The following FRMD3 variants were observed in gnomAD, a reference collection of about 807,000 sequenced individuals.
FRMD3 encodes FERM domain-containing protein 3.
In FRMD3, 33 loss-of-function variants were observed where a neutral mutation model predicts 70.2. The ratio of observed to expected loss-of-function variants is 0.47; its 90% CI spans 0.36 to 0.63. The LOEUF is 0.63. Among genes scored for constraint, FRMD3 ranks in the 20% least tolerant of loss-of-function variants. The probability of loss-of-function intolerance (pLI) is 0.00; values close to 1 mark genes in which losing one functional copy is unlikely to be tolerated. For missense variants in FRMD3, 632 were observed against 711.4 expected, an observed-to-expected ratio of 0.89 and a Z score of 1.27; for synonymous variants, 279 against 255.9, an observed-to-expected ratio of 1.09 and a Z score of -0.86.
chr9:83,244,991 A>T lies in FRMD3; in HGVS notation c.*2927T>A. The T allele has an allele frequency of 1.0e-6, 1 of 982,736 alleles. No individual in the cohort carries two copies. The highest frequency in any genetic ancestry group is 1.2e-6 in the Non-Finnish European group (1 of 827,528). 60.9% of individuals were successfully genotyped at this position (982,736 alleles called of 1,614,324 possible). A position where few individuals can be genotyped will look rare whatever the true frequency, so the allele number is the denominator to read the frequency against. On this transcript the variant is annotated 3_prime_UTR_variant, in exon 14 of 14. Coordinates refer to ENST00000304195, the MANE Select transcript of FRMD3 (RefSeq NM_174938.6). ...CCATATGTGTGTGTGTATTATATAT[A>T]TTTATTTATATCCACAAATGTACAC... is the stretch of plus-strand genomic sequence containing the variant.
chr9:83,309,657 C>T (rs372381028), intron 9 of FRMD3, 33 bp from the exon 10 acceptor site: 45 of 1,344,364 alleles, frequency 3.3e-5, no homozygotes, highest in South Asian at 5.4e-5. Context: ...AGAAAAGGCA[C>T]GTAAAATACC....
chr9:83,340,454 T>C (rs1823718163), intron 5 of FRMD3, among the ~76,000 whole-genome samples: 1 of 152,202 alleles, frequency 6.6e-6, no homozygotes, highest in Non-Finnish European at 1.5e-5. Context: ...GGAGCTGCTT[T>C]AGCTCGAGTG....
At position 83,316,117 on chromosome 9, in the gene FRMD3, T is replaced by C. The variant is rs144666491; in HGVS notation, c.597-2370A>G. ...AAGGACTCGGTGAAGGAAAGGAAGA[T>C]TGACATATATGCCACCTTATTCTTT... On this transcript the variant is annotated intron_variant, in intron 6 of 13. Coordinates refer to ENST00000304195, the MANE Select transcript of FRMD3 (RefSeq NM_174938.6). Among the ~76,000 whole-genome samples the C allele has an allele frequency of 1.5e-3, 232 of 152,212 alleles. 1 individual carries two copies. The highest frequency in any genetic ancestry group is 2.7e-3 in the East Asian group (14 of 5,188).
the FRMD3 span, among the ~76,000 whole-genome samples, chr9:83,558,910 T>C: frequency 6.6e-6 from 1 of 152,188 alleles, no homozygotes; most frequent in Non-Finnish European, 1.5e-5. Flanking sequence ...AGCCTGGACA[T>C]TGACTGAATT....
intron 1 of FRMD3, among the ~76,000 whole-genome samples, chr9:83,426,440 G>A (rs970379191): frequency 6.6e-6 from 1 of 152,244 alleles, no homozygotes; most frequent in Non-Finnish European, 1.5e-5. Flanking sequence ...AATGTGAGAG[G>A]CATGGCAGAG....
chr9:83,536,422 C>A (rs1829893621), intron 1 of FRMD3, among the ~76,000 whole-genome samples: 3 of 146,032 alleles, frequency 2.1e-5, no homozygotes, highest in Non-Finnish European at 4.6e-5. Flanking sequence ...AACTCAACAG[C>A]CTCTCTCCCT....
chr9:83,289,642 G>A (rs547273284), intron 13 of FRMD3, among the ~76,000 whole-genome samples: 1 of 152,336 alleles, frequency 6.6e-6, no homozygotes, highest in Non-Finnish European at 1.5e-5. Context: ...AGGTGAAGGT[G>A]ATCTTTTGGG....
intron 4 of FRMD3, 139 bp from the exon 5 acceptor site, chr9:83,343,426 T>C (rs1823842642): frequency 1.6e-6 from 1 of 625,068 alleles, no homozygotes; most frequent in Non-Finnish European, 2.9e-6. Context: ...CAGCCCTTTG[T>C]AGAACAAGCA....
At chr9:83,375,076 C>T (rs1014149602) in intron 2 of FRMD3, among the ~76,000 whole-genome samples, 7 of 152,172 alleles carry the variant, frequency 4.6e-5, no homozygotes, top group Non-Finnish European at 1.0e-4. Context: ...GTCTCTGACT[C>T]CAGGGGTGAC....
At chr9:83,542,057 CAACA>C (rs1350664019), upstream of FRMD3, among the ~76,000 whole-genome samples, 2 of 152,196 alleles carry the variant, frequency 1.3e-5, no homozygotes, top group South Asian at 2.1e-4. Context: ...GGATGACAGG[CAACA>C]AACAGAGGAC....
At chr9:83,373,180 C>G (rs912485956) in intron 2 of FRMD3, among the ~76,000 whole-genome samples, 7 of 152,126 alleles carry the variant, frequency 4.6e-5, no homozygotes, top group Admixed American at 1.3e-4. Flanking sequence ...GTGAGTCAGA[C>G]AGTTGCTAGG....
chr9:83,385,997 A>G (rs1825501145), intron 2 of FRMD3, among the ~76,000 whole-genome samples: 1 of 152,198 alleles, frequency 6.6e-6, no homozygotes, highest in South Asian at 2.1e-4. Context: ...TGTAAGAATA[A>G]TAATAACAAC....
At chr9:83,498,972 T>A (rs1564105520) in intron 1 of FRMD3, among the ~76,000 whole-genome samples, 1 of 152,158 alleles carries the variant, frequency 6.6e-6, no homozygotes, top group African/African-American at 2.4e-5. Context: ...GAGGCATGTT[T>A]GCAAAATGAG....
intron 4 of FRMD3, among the ~76,000 whole-genome samples, chr9:83,347,952 C>T (rs960911524): frequency 1.3e-5 from 2 of 152,194 alleles, no homozygotes; most frequent in East Asian, 1.9e-4. Flanking sequence ...CATACCTGAG[C>T]TATTTAGTCA....
intron 10 of FRMD3, among the ~76,000 whole-genome samples, chr9:83,307,591 T>C (rs1835180549): frequency 6.6e-6 from 1 of 152,176 alleles, no homozygotes; most frequent in Admixed American, 6.5e-5. Context: ...ATATACAACT[T>C]ATAATAGGTA....
chr9:83,462,256 C>T (rs1356587419), intron 1 of FRMD3, among the ~76,000 whole-genome samples: 1 of 152,170 alleles, frequency 6.6e-6, no homozygotes, highest in Admixed American at 6.5e-5. Context: ...TACCACCGGG[C>T]TGGAAGGAAA....
At chr9:83,479,163 AAGCT>A (rs1237213674) in intron 1 of FRMD3, among the ~76,000 whole-genome samples, 1 of 152,018 alleles carries the variant, frequency 6.6e-6, no homozygotes, top group African/African-American at 2.4e-5. Context: ...GCAAAAAGAA[AAGCT>A]AGCCAGTTGC....
At chr9:83,424,236 T>C (rs1826736191) in intron 1 of FRMD3, among the ~76,000 whole-genome samples, 1 of 152,206 alleles carries the variant, frequency 6.6e-6, no homozygotes, top group Non-Finnish European at 1.5e-5. Flanking sequence ...ACATGTCTCC[T>C]GCTCTTACAC....
At chr9:83,386,067 T>C (rs1342633380) in intron 2 of FRMD3, among the ~76,000 whole-genome samples, 1 of 152,226 alleles carries the variant, frequency 6.6e-6, no homozygotes, top group African/African-American at 2.4e-5. Context: ...AGCATTGATA[T>C]ACCTTATCTT....
Sources: allele counts gnomAD v4.1 joint callset (sites outside exome capture counted in the v4.1 genomes callset), GRCh38; gene constraint gnomAD v4.1.1; transcripts MANE v1.5; gene names NCBI Gene and HGNC (gene_info 2026-07-23, HGNC 2026-07-21).